Variants in CAPZB observed in about 807,000 individuals in gnomAD.
The protein encoded by CAPZB is capping actin protein of muscle Z-line subunit beta.
CAPZB carries 2 observed loss-of-function variants against 38.1 expected under a neutral mutation model. That is an observed-to-expected ratio of 0.05 (90% CI 0.02 to 0.17). CAPZB has a LOEUF of 0.17. Ranked by LOEUF, CAPZB falls within the 10% of genes least tolerant of loss-of-function variation. The pLI is 1.00. For synonymous variants in CAPZB, 107 were observed against 127.4 expected, an observed-to-expected ratio of 0.84 and a Z score of 1.08; for missense variants, 161 against 334.2, an observed-to-expected ratio of 0.48 and a Z score of 4.04.
At chr1:19,396,707 G>A (rs775420483) in intron 2 of CAPZB, among the ~76,000 whole-genome samples, 8 of 151,340 alleles carry the variant, frequency 5.3e-5, no homozygotes, top group Non-Finnish European at 1.2e-4. Context: ...TTGGGAGGCC[G>A]AGGCAGGAGG....
Position 19,485,537 on chromosome 1 carries a change from C to T in CAPZB, c.-99G>A. 1 of 1,022,462 alleles carries T rather than the reference C, an allele frequency of 9.8e-7. No individual in the cohort carries two copies. Among genetic ancestry groups the T allele is most frequent in the East Asian group, 3.3e-5 (1 of 30,262 alleles). 63.3% of individuals were successfully genotyped at this position (1,022,462 alleles called of 1,614,324 possible). A position where few individuals can be genotyped will look rare whatever the true frequency, so the allele number is the denominator to read the frequency against. ...ACTTCCCCGGGTGCCCAGGAGTGAA[C>T]ATCCGGGTCAGCACCCCCCTCCCCC... On this transcript the variant is annotated 5_prime_UTR_variant, in exon 1 of 9. The change abolishes an upstream ATG in the 5' untranslated region. Transcript: ENST00000264202.
In CAPZB at chr1:19,468,357, G is replaced by A. The variant is rs376382184; in HGVS notation, c.3+17079C>T. On this transcript the variant is annotated intron_variant, in intron 1 of 8. Transcript: ENST00000264202. ...TTACAAAGGGCTCCCTCCTGATGGG[G>A]AGAGGGGTCCCTTGCCACTGGTGCT... 7.9e-5 allele frequency among the ~76,000 whole-genome samples: 12 copies of A among 152,256 alleles called. No individual in the cohort carries two copies. The East Asian group carries it at 2.3e-3, about 29-fold the overall frequency.
Position 19,368,495 on chromosome 1 carries a change from G to GA in CAPZB, c.329+10044dup, listed in dbSNP as rs33961282. 5.5e-3 allele frequency among the ~76,000 whole-genome samples: 623 copies of GA among 112,708 alleles called. 6 individuals are homozygous for GA. Among genetic ancestry groups the GA allele is most frequent in the South Asian group, 0.04 (133 of 3,284 alleles). The allele number at this position is 112,708 out of a possible 152,430, so 73.9% of individuals were successfully genotyped here. A position where few individuals can be genotyped will look rare whatever the true frequency, so the allele number is the denominator to read the frequency against. On this transcript the variant is annotated intron_variant, in intron 4 of 8. Transcript: ENST00000264202. ...GCCCCCGTCTCCATTTTTTTTCTTG[G>GA]AAAAAAAAAAAAAAAAAAACGGTGG...
intron 1 of CAPZB, among the ~76,000 whole-genome samples, chr1:19,456,152 T>C (rs1050820304): frequency 1.3e-5 from 2 of 152,220 alleles, no homozygotes; most frequent in African/African-American, 4.8e-5. Flanking sequence ...CCTCAAGTGA[T>C]GTGCCTGCCT....
intron 1 of CAPZB, among the ~76,000 whole-genome samples, chr1:19,480,369 G>C (rs1460866958): frequency 2.0e-5 from 3 of 152,160 alleles, no homozygotes; most frequent in Non-Finnish European, 4.4e-5. Context: ...GGAAAACTGA[G>C]ACCAAGGGAA....
chr1:19,470,664 G>A (rs1403072137), intron 1 of CAPZB, among the ~76,000 whole-genome samples: 1 of 152,220 alleles, frequency 6.6e-6, no homozygotes, highest in African/African-American at 2.4e-5. Context: ...AAACCCCTGT[G>A]AGCAGTAAAA....
At chr1:19,447,758 C>T (rs1019905541) in intron 1 of CAPZB, among the ~76,000 whole-genome samples, 6 of 152,176 alleles carry the variant, frequency 3.9e-5, no homozygotes, top group Admixed American at 2.6e-4. Context: ...GCCATCCGAC[C>T]CAGCCCCAGC....
chr1:19,341,227 G>A (rs544991290), intron 8 of CAPZB, among the ~76,000 whole-genome samples: 32 of 152,302 alleles, frequency 2.1e-4, no homozygotes, highest in African/African-American at 7.0e-4. Flanking sequence ...CTGGCTCTGC[G>A]GCGGCCAAAG....
At chr1:19,484,669 G>A in intron 1 of CAPZB, 1 of 1,152,754 alleles carries the variant, frequency 8.7e-7, no homozygotes, top group East Asian at 6.3e-5. Flanking sequence ...CAGGGAAGGG[G>A]ACCCTGGGTC....
At chr1:19,426,609 C>T (rs34224477) in intron 1 of CAPZB, among the ~76,000 whole-genome samples, 26,882 of 152,098 alleles carry the variant, frequency 0.18, 2,846 homozygotes, top group African/African-American at 0.29. Flanking sequence ...TCAACTGCCC[C>T]GAGGCCACCC....
intron 1 of CAPZB, among the ~76,000 whole-genome samples, chr1:19,463,234 G>A (rs1013943313): frequency 6.6e-6 from 1 of 152,138 alleles, no homozygotes; most frequent in Non-Finnish European, 1.5e-5. Flanking sequence ...GGGGTCTGAG[G>A]GCAGGTGAGA....
chr1:19,388,844 T>C (rs1431234365), intron 2 of CAPZB, among the ~76,000 whole-genome samples: 1 of 152,202 alleles, frequency 6.6e-6, no homozygotes, highest in Middle Eastern at 3.2e-3. Context: ...ATGGGACTTC[T>C]GAAAGCCAGT....
At chr1:19,436,000 C>A (rs2094457082) in intron 1 of CAPZB, among the ~76,000 whole-genome samples, 7 of 152,186 alleles carry the variant, frequency 4.6e-5, no homozygotes, top group Admixed American at 4.6e-4. Context: ...TCCACCGGGT[C>A]CCAGCTGTGT....
In CAPZB at chr1:19,357,593, G is replaced by A; in HGVS notation, c.330-30C>T. The A allele has an allele frequency of 6.2e-7, 1 of 1,612,340 alleles. No individual in the cohort carries two copies. Among genetic ancestry groups the A allele is most frequent in the Non-Finnish European group, 8.5e-7 (1 of 1,178,514 alleles). Reference sequence around the variant, plus strand: ...AGGAAACAGGCCAATGTGCCTGTTAGATGCTAAAGGACAGATCATCAGCCT... The same window carrying A: ...AGGAAACAGGCCAATGTGCCTGTTAAATGCTAAAGGACAGATCATCAGCCT... On this transcript the variant is annotated intron_variant, in intron 4 of 8. Coordinates refer to ENST00000264202, the MANE Select transcript of CAPZB (RefSeq NM_004930.5). The surrounding 1 kb of genome is among the most constrained non-coding windows in gnomAD (Gnocchi z 4.3).
At chr1:19,469,730 G>A (rs995621633) in intron 1 of CAPZB, among the ~76,000 whole-genome samples, 14 of 134,668 alleles carry the variant, frequency 1.0e-4, no homozygotes, top group African/African-American at 4.0e-4. Flanking sequence ...TACTCAAAAG[G>A]AGGAAAAGAA....
chr1:19,378,627 G>A lies in CAPZB; in HGVS notation c.242C>T (p.Pro81Leu). The change falls in exon 4 of 9, where the codon CCT (proline) becomes CTT (leucine). Residue 81 changes from proline to leucine, a missense_variant. Physicochemically the swap from Pro to Leu is moderately conservative, Grantham distance 98 (BLOSUM62 -3). Coordinates refer to ENST00000264202, the MANE Select transcript of CAPZB (RefSeq NM_004930.5). ...CGGCATGGCCCCATCCTCCAAGGGA[G>A]GGTCATACTTGTTACTCCATGGTGA... is the stretch of plus-strand genomic sequence containing the variant. ...YRSPWSNKYDPPLEDGAMPSA... is the reference protein window; with the variant it reads ...YRSPWSNKYDLPLEDGAMPSA... 6.2e-7 allele frequency: 1 copy of A among 1,611,006 alleles called. No homozygotes were observed. Among genetic ancestry groups the A allele is most frequent in the Non-Finnish European group, 8.5e-7 (1 of 1,177,214 alleles).
At chr1:19,431,979 G>GAGGTATGAGAATCACTTGAACCTAGGT in intron 1 of CAPZB, among the ~76,000 whole-genome samples, 1 of 150,156 alleles carries the variant, frequency 6.7e-6, no homozygotes, top group East Asian at 1.9e-4. Flanking sequence ...TCGGGAGGCT[G>GAGGTATGAGAATCACTTGAACCTAGGT]GGGCGGAAAG....
rs529828249 is a variant in CAPZB, at chr1:19,398,153, C to T, written c.94-12527G>A. ...AAAGCCTGTGAAACACCCTCAAGTC[C>T]GAGAGGATCTGCTCCATGATGAGGA... On this transcript the variant is annotated intron_variant, in intron 2 of 8. Coordinates refer to ENST00000264202, the MANE Select transcript of CAPZB (RefSeq NM_004930.5). 3.5e-5 allele frequency among the ~76,000 whole-genome samples: 5 copies of T among 144,258 alleles called. No individual in the cohort carries two copies. The East Asian group carries it at 6.1e-4, about 18-fold the overall frequency. The allele number at this position is 144,258 out of a possible 152,430, so 94.6% of individuals were successfully genotyped here. A position where few individuals can be genotyped will look rare whatever the true frequency, so the allele number is the denominator to read the frequency against.
At chr1:19,442,838 G>A (rs1261611906) in intron 1 of CAPZB, among the ~76,000 whole-genome samples, 4 of 152,084 alleles carry the variant, frequency 2.6e-5, no homozygotes, top group Admixed American at 6.6e-5. Context: ...GGAAAGTTCC[G>A]TTGCTCCTGC....
Sources: gnomAD v4.1 joint callset for allele counts (sites outside exome capture counted in the v4.1 genomes callset) on GRCh38, gnomAD v4.1.1 for gene constraint, Gnocchi (gnomAD v3.1) non-coding constraint, MANE v1.5 for transcripts, NCBI Gene and HGNC (gene_info 2026-07-23, HGNC 2026-07-21) for gene names.